FGF5: variants seen among roughly 807,000 people sequenced by gnomAD.
The protein encoded by FGF5 is heparin-binding growth factor 5.
Under a neutral mutation model 21.8 loss-of-function variants are expected in FGF5, and 23 were observed. The observed-to-expected ratio is 1.05, with a 90% confidence interval of 0.76 to 1.49. FGF5 has a LOEUF of 1.49. Among genes scored for constraint, FGF5 ranks in the 40% most tolerant of loss-of-function variants. The pLI, the probability that FGF5 is intolerant of heterozygous loss-of-function variation, is 0.00. For synonymous variants in FGF5, 158 were observed against 124.0 expected (o/e 1.27, Z -1.82); for missense variants, 352 against 332.9 (o/e 1.06, Z -0.45).
At chr4:80,269,099 G>A (rs1286712731) in intron 1 of FGF5, among the ~76,000 whole-genome samples, 1 of 152,052 alleles carries the variant, frequency 6.6e-6, no homozygotes, top group African/African-American at 2.4e-5. Context: ...ATTGGTCTGA[G>A]ATGGAGCAAG....
In FGF5 at chr4:80,267,000, C is replaced by T. The variant is rs765498654; in HGVS notation, c.176C>T (p.Ala59Val). ...AGTAGCGCTATGTCTTCCTCTTCTGCCTCCTCCTCCCCCGCAGCTTCTCTG... is the reference window on the plus strand; with the variant it reads ...AGTAGCGCTATGTCTTCCTCTTCTGTCTCCTCCTCCCCCGCAGCTTCTCTG... ...SSSSAMSSSS[A>V]SSSPAASLGS... The change falls in exon 1 of 3, where the codon GCC (alanine) becomes GTC (valine). Residue 59 changes from alanine (A) to valine (V), a missense_variant. By Grantham distance (64) the Ala-to-Val change is moderately conservative. Coordinates refer to ENST00000312465, the MANE Select transcript of FGF5 (RefSeq NM_004464.4). 6.2e-7 allele frequency: 1 copy of T among 1,614,194 alleles called. No individual in the cohort carries two copies. The highest frequency in any genetic ancestry group is 8.5e-7 in the Non-Finnish European group (1 of 1,180,036).
In FGF5 at chr4:80,290,391, A is replaced by G. The variant is rs1324638030; in HGVS notation, c.*3719A>G. On this transcript the variant is annotated 3_prime_UTR_variant, in exon 3 of 3. Transcript: ENST00000312465. ...TGGCCAATTTTTGAAATAAGATTAT[A>G]TGATTAGGTATTAGCAGAGACAAAG... The G allele has an allele frequency of 1.3e-5, 2 of 152,086 alleles. No homozygotes were observed. The highest frequency in any genetic ancestry group is 2.9e-5 in the Non-Finnish European group (2 of 68,008). 9.4% of individuals were successfully genotyped at this position (152,086 alleles called of 1,614,324 possible). A position where few individuals can be genotyped will look rare whatever the true frequency, so the allele number is the denominator to read the frequency against.
chr4:80,275,473 G>GA (rs1720384929), intron 2 of FGF5, among the ~76,000 whole-genome samples: 2 of 151,674 alleles, frequency 1.3e-5, no homozygotes, highest in African/African-American at 4.8e-5. Context: ...AGCAGGGAGG[G>GA]AAAAAACCAA....
chr4:80,278,310 G>A (rs1235273969), intron 2 of FGF5, among the ~76,000 whole-genome samples: 1 of 152,054 alleles, frequency 6.6e-6, no homozygotes, highest in Non-Finnish European at 1.5e-5. Context: ...AGTTAAAATT[G>A]TAAATTTCCC....
In FGF5 at chr4:80,286,719, T is replaced by C. The variant is rs773795381; in HGVS notation, c.*47T>C. ...AAACCATTCTTTCCCCTCAGGAGTT[T>C]CTATAGGTGTCTTCAGAGTTCTGAA... On this transcript the variant is annotated 3_prime_UTR_variant, in exon 3 of 3. Transcript: ENST00000312465. The C allele has an allele frequency of 8.2e-6, 12 of 1,457,136 alleles. No homozygotes were observed. The African/African-American group carries it at 1.6e-4, about 19-fold the overall frequency. The allele number at this position is 1,457,136 out of a possible 1,614,324, so 90.3% of individuals were successfully genotyped here. A position where few individuals can be genotyped will look rare whatever the true frequency, so the allele number is the denominator to read the frequency against.
rs931497523 is a variant in FGF5 at position 80,288,244 on chromosome 4, A to G, written c.*1572A>G. 4 of 152,160 alleles carry G rather than the reference A, an allele frequency of 2.6e-5. No individual in the cohort carries two copies. The highest frequency in any genetic ancestry group is 7.2e-5 in the African/African-American group (3 of 41,456). 9.4% of individuals were successfully genotyped at this position (152,160 alleles called of 1,614,324 possible). A position where few individuals can be genotyped will look rare whatever the true frequency, so the allele number is the denominator to read the frequency against. ...GATTTATTTTGGTGCACAAATACAA[A>G]GTGGAAACTTACCAAAATTGAACTA... On this transcript the variant is annotated 3_prime_UTR_variant, in exon 3 of 3. Transcript: ENST00000312465.
intron 2 of FGF5, 34 bp from the exon 3 acceptor site, chr4:80,286,291 C>A: frequency 6.9e-7 from 1 of 1,442,074 alleles, no homozygotes; most frequent in Non-Finnish European, 9.4e-7. Context: ...AAGATCGCCA[C>A]AACTTAAATT....
In FGF5 at chr4:80,289,899, T is replaced by C. The variant is rs1364002931; in HGVS notation, c.*3227T>C. 2.0e-5 allele frequency: 3 copies of C among 152,186 alleles called. No individual in the cohort carries two copies. Among genetic ancestry groups the C allele is most frequent in the African/African-American group, 7.2e-5 (3 of 41,456 alleles). 9.4% of individuals were successfully genotyped at this position (152,186 alleles called of 1,614,324 possible). ...AACTAAGGCTTTTATTTCTGTTATT[T>C]TTAAGCTTTTATTTCTTGTAGCTAA... is the stretch of plus-strand genomic sequence containing the variant. On this transcript the variant is annotated 3_prime_UTR_variant, in exon 3 of 3. Transcript: ENST00000312465.
intron 1 of FGF5, among the ~76,000 whole-genome samples, chr4:80,268,732 G>A (rs1438842768): frequency 3.9e-5 from 6 of 152,226 alleles, no homozygotes; most frequent in Non-Finnish European, 8.8e-5. Context: ...ACGTGGTGAG[G>A]GCGCCTGGAG....
intron 2 of FGF5, among the ~76,000 whole-genome samples, chr4:80,276,594 AC>A (rs1320395506): frequency 1.3e-5 from 2 of 151,806 alleles, no homozygotes; most frequent in African/African-American, 4.8e-5. Flanking sequence ...TGCACCTATC[AC>A]CCCAGTAGTG....
chr4:80,290,348 T>G lies in FGF5; in HGVS notation c.*3676T>G, dbSNP rs985776901. On this transcript the variant is annotated 3_prime_UTR_variant, in exon 3 of 3. Coordinates refer to ENST00000312465, the MANE Select transcript of FGF5 (RefSeq NM_004464.4). The stretch of plus-strand genomic sequence containing the variant: ...ATGGACAAGGCCTAATTTTTTTTTG[T>G]AGTCAATCCAACTGTACTGGCCAAT... 4 of 152,108 alleles carry G rather than the reference T, an allele frequency of 2.6e-5. No homozygotes were observed. The highest frequency in any genetic ancestry group is 9.7e-5 in the African/African-American group (4 of 41,430). 9.4% of individuals were successfully genotyped at this position (152,108 alleles called of 1,614,324 possible).
At chr4:80,283,549 AGT>A (rs1720629717) in intron 2 of FGF5, among the ~76,000 whole-genome samples, 1 of 152,058 alleles carries the variant, frequency 6.6e-6, no homozygotes, top group Non-Finnish European at 1.5e-5. Flanking sequence ...CCTGTGCATG[AGT>A]GTGTGTGTGC....
At chr4:80,275,480 C>A (rs1004286107) in intron 2 of FGF5, among the ~76,000 whole-genome samples, 6 of 151,744 alleles carry the variant, frequency 4.0e-5, no homozygotes, top group South Asian at 2.1e-4. Context: ...AGGGAAAAAA[C>A]CAATAATTAG....
intron 2 of FGF5, among the ~76,000 whole-genome samples, chr4:80,279,078 C>A (rs1363883212): frequency 6.6e-6 from 1 of 152,100 alleles, no homozygotes; most frequent in Admixed American, 6.5e-5. Context: ...ACTGAAAGTC[C>A]CCTAGAGAGC....
chr4:80,268,638 A>C (rs1232292838), intron 1 of FGF5: 1 of 466,502 alleles, frequency 2.1e-6, no homozygotes, highest in Non-Finnish European at 2.8e-6. Context: ...CTGATGGTTC[A>C]TGCTGAGAGA....
chr4:80,268,548 G>A (rs1047178027), intron 1 of FGF5: 52 of 985,906 alleles, frequency 5.3e-5, no homozygotes, highest in Admixed American at 6.1e-5. Context: ...CTCCAGAGGG[G>A]GGTCGGAGGC....
intron 1 of FGF5, among the ~76,000 whole-genome samples, chr4:80,273,365 T>G (rs1720324051): frequency 6.6e-6 from 1 of 152,256 alleles, no homozygotes; most frequent in African/African-American, 2.4e-5. Flanking sequence ...CACATAAACT[T>G]TCTAATCAAG....
chr4:80,266,742 G>A lies in FGF5; in HGVS notation c.-83G>A. 1.6e-6 allele frequency: 2 copies of A among 1,242,698 alleles called. No individual in the cohort carries two copies. Among genetic ancestry groups the A allele is most frequent in the Non-Finnish European group, 1.1e-6 (1 of 897,038 alleles). 77.0% of individuals were successfully genotyped at this position (1,242,698 alleles called of 1,614,324 possible). ...CACCCGGTGCGGCGAGGCGGGCAGA[G>A]CCAGAGGCACGCAGCCGCACAGGGG... On this transcript the variant is annotated 5_prime_UTR_variant, in exon 1 of 3. Transcript: ENST00000312465.
At chr4:80,284,315 T>A (rs922744114) in intron 2 of FGF5, among the ~76,000 whole-genome samples, 6 of 152,096 alleles carry the variant, frequency 3.9e-5, no homozygotes, top group Non-Finnish European at 8.8e-5. Flanking sequence ...ACACCTGTAA[T>A]CCCAGCTACT....
Sources: gnomAD v4.1 joint callset for allele counts (sites outside exome capture counted in the v4.1 genomes callset) on GRCh38, gnomAD v4.1.1 for gene constraint, MANE v1.5 for transcripts, NCBI Gene and HGNC (gene_info 2026-07-23, HGNC 2026-07-21) for gene names.